SORCS2: variants seen among roughly 807,000 people sequenced by gnomAD.
SORCS2 encodes VPS10 domain-containing receptor SorCS2.
In SORCS2, 100 loss-of-function variants were observed where a neutral mutation model predicts 141.6. That is an observed-to-expected ratio of 0.71 (90% CI 0.60 to 0.83). The LOEUF (loss-of-function observed/expected upper bound fraction) is 0.83, where lower values mean the gene tolerates loss of function less well. Ranked by LOEUF, SORCS2 falls within the 40% of genes least tolerant of loss-of-function variation. SORCS2 has a pLI of 0.00. For synonymous variants in SORCS2, 789 were observed against 676.9 expected, an observed-to-expected ratio of 1.17 and a Z score of -2.57; for missense variants, 1,646 against 1,560.2, an observed-to-expected ratio of 1.05 and a Z score of -0.93.
At chr4:7,328,456 G>A (rs552773179) in intron 1 of SORCS2, among the ~76,000 whole-genome samples, 16 of 152,096 alleles carry the variant, frequency 1.1e-4, no homozygotes, top group Non-Finnish European at 2.1e-4. Flanking sequence ...TAAATCGCTT[G>A]GCCAGGGCTT....
chr4:7,498,749 C>G (rs1277605502), intron 2 of SORCS2, among the ~76,000 whole-genome samples: 5 of 152,252 alleles, frequency 3.3e-5, no homozygotes, highest in Admixed American at 2.0e-4. Flanking sequence ...CACAGAGTGC[C>G]TACTGGGTGT....
intron 2 of SORCS2, among the ~76,000 whole-genome samples, chr4:7,505,424 C>T (rs73099708): frequency 4.7e-4 from 72 of 152,186 alleles, no homozygotes; most frequent in African/African-American, 1.7e-3. Flanking sequence ...TCAGTCCCCG[C>T]ATCAGGAGAT....
At chr4:7,238,777 T>A (rs974686490) in intron 1 of SORCS2, among the ~76,000 whole-genome samples, 4 of 152,084 alleles carry the variant, frequency 2.6e-5, no homozygotes, top group Non-Finnish European at 4.4e-5. Context: ...CTCTCTGGAG[T>A]CTGTGGCTGA....
intron 3 of SORCS2, among the ~76,000 whole-genome samples, chr4:7,556,392 C>A (rs1410084956): frequency 6.6e-6 from 1 of 152,060 alleles, no homozygotes; most frequent in African/African-American, 2.4e-5. Context: ...GGGCTGGAGA[C>A]ACTCGCGCAG....
chr4:7,244,539 T>C (rs1712948069), intron 1 of SORCS2, among the ~76,000 whole-genome samples: 1 of 152,178 alleles, frequency 6.6e-6, no homozygotes, highest in South Asian at 2.1e-4. Context: ...AGGGCCCATG[T>C]GTTCTCAGGG....
rs73796617 is a variant in SORCS2 at position 7,301,294 on chromosome 4, A to G, written c.481-94994A>G. Among the ~76,000 whole-genome samples the G allele has an allele frequency of 3.4e-3, 513 of 152,326 alleles. 2 individuals are homozygous for G. Among genetic ancestry groups the G allele is most frequent in the African/African-American group, 0.012 (486 of 41,588 alleles). On this transcript the variant is annotated intron_variant, in intron 1 of 26. Transcript: ENST00000507866. ...AAGACACAGCAGCTATCGAAACAGA[A>G]ACACTGCCACTCTCATGGAGCCACA...
At position 7,419,677 on chromosome 4, in the gene SORCS2, G is replaced by A. The variant is rs536804419; in HGVS notation, c.548+23322G>A. Among the ~76,000 whole-genome samples, 4 of 147,900 alleles carry A rather than the reference G, an allele frequency of 2.7e-5. No homozygotes were observed. In the South Asian group the frequency reaches 8.8e-4, roughly 32 times the overall value. On this transcript the variant is annotated intron_variant, in intron 2 of 26. Coordinates refer to ENST00000507866, the MANE Select transcript of SORCS2 (RefSeq NM_020777.3). ...CAGCCTTCTTCCAAGGCGAGCTGGT[G>A]TCATCTGAACTGCAGATTGGCAAGC...
chr4:7,682,286 G>A (rs28420857), intron 9 of SORCS2, among the ~76,000 whole-genome samples: 9,109 of 152,130 alleles, frequency 0.06, 403 homozygotes, highest in African/African-American at 0.11. Flanking sequence ...GATTGAGCTG[G>A]GGGTCCGCAG....
intron 2 of SORCS2, among the ~76,000 whole-genome samples, chr4:7,512,348 AGGAGGGAGGGAGGGAT>A (rs897960645): frequency 1.2e-4 from 14 of 113,806 alleles, no homozygotes; most frequent in South Asian, 7.7e-4. Context: ...AAGGAATGGA[AGGAGGGAGGGAGGGAT>A]GGAGGGAGGG....
intron 1 of SORCS2, among the ~76,000 whole-genome samples, chr4:7,292,949 G>A (rs1310803948): frequency 6.6e-6 from 1 of 152,234 alleles, no homozygotes; most frequent in Non-Finnish European, 1.5e-5. Flanking sequence ...GATAGTGTCT[G>A]CTGGGTTACC....
intron 18 of SORCS2, among the ~76,000 whole-genome samples, chr4:7,719,666 C>T (rs576048875): frequency 6.6e-6 from 1 of 152,214 alleles, no homozygotes; most frequent in Non-Finnish European, 1.5e-5. Context: ...GCCGCTGCCC[C>T]GCCTGTCCCG....
rs146944205 is a variant in SORCS2, at chr4:7,487,305, A to C, written c.549-44225A>C. 4.2e-3 allele frequency among the ~76,000 whole-genome samples: 633 copies of C among 152,312 alleles called. 3 individuals are homozygous for C. The highest frequency in any genetic ancestry group is 0.015 in the African/African-American group (607 of 41,574). ...GCTGTCTGTTACATTCCCTTGGCCC[A>C]CAGTCACCAGAGGATCCTGAAGTGG... On this transcript the variant is annotated intron_variant, in intron 2 of 26. Coordinates refer to ENST00000507866, the MANE Select transcript of SORCS2 (RefSeq NM_020777.3).
chr4:7,623,543 C>A (rs937483673), intron 3 of SORCS2, among the ~76,000 whole-genome samples: 1 of 152,112 alleles, frequency 6.6e-6, no homozygotes, highest in Non-Finnish European at 1.5e-5. Flanking sequence ...GAGCCGGGGG[C>A]CTTCCAAACT....
chr4:7,206,735 C>G (rs1016184245), intron 1 of SORCS2, among the ~76,000 whole-genome samples: 1 of 152,048 alleles, frequency 6.6e-6, no homozygotes, highest in African/African-American at 2.4e-5. Context: ...CAGCCAGGAG[C>G]CAGGGTACTC....
chr4:7,377,057 C>T (rs1043636525), intron 1 of SORCS2, among the ~76,000 whole-genome samples: 5 of 152,170 alleles, frequency 3.3e-5, no homozygotes, highest in African/African-American at 1.2e-4. Context: ...GGCATATAAG[C>T]ATGTGTTTTC....
rs757654468 is a variant in SORCS2 at position 7,434,200 on chromosome 4, T to G, written c.548+37845T>G. 54 of 1,613,492 alleles carry G rather than the reference T, an allele frequency of 3.3e-5. No individual in the cohort carries two copies. The highest frequency in any genetic ancestry group is 4.5e-5 in the Non-Finnish European group (53 of 1,179,876). ...AGCAGGGACAAAAAACTGGAAGAGG[T>G]AGTTCTTGCAGAGGACGGCCAGGCC... On this transcript the variant is annotated intron_variant, in intron 2 of 26. Transcript: ENST00000507866.
At chr4:7,376,549 C>T (rs748556103) in intron 1 of SORCS2, among the ~76,000 whole-genome samples, 1 of 152,172 alleles carries the variant, frequency 6.6e-6, no homozygotes, top group African/African-American at 2.4e-5. Context: ...TTTACTCCAG[C>T]CTGGGTGACA....
At chr4:7,626,018 C>T (rs1013554592) in intron 3 of SORCS2, among the ~76,000 whole-genome samples, 1 of 152,012 alleles carries the variant, frequency 6.6e-6, no homozygotes, top group East Asian at 1.9e-4. Context: ...GGTACACACG[C>T]GCCTGTGGTT....
At chr4:7,623,701 C>A (rs896425998) in intron 3 of SORCS2, among the ~76,000 whole-genome samples, 1 of 152,176 alleles carries the variant, frequency 6.6e-6, no homozygotes, top group Admixed American at 6.5e-5. Context: ...TATGGTCTTA[C>A]CCCACTCCCC....
Sources: gnomAD v4.1 joint callset for allele counts (sites outside exome capture counted in the v4.1 genomes callset) on GRCh38, gnomAD v4.1.1 for gene constraint, MANE v1.5 for transcripts, NCBI Gene and HGNC (gene_info 2026-07-23, HGNC 2026-07-21) for gene names.